NBAS: variants seen among roughly 807,000 people sequenced by gnomAD.
NBAS encodes NAG/BC035112 fusion.
A neutral mutation model predicts 302.5 loss-of-function variants in NBAS; 219 were observed. The observed-to-expected ratio is 0.72, with a 90% CI of 0.65 to 0.81. The LOEUF (loss-of-function observed/expected upper bound fraction) is 0.81, where lower values mean the gene tolerates loss of function less well. Among genes scored for constraint, NBAS ranks in the 30% least tolerant of loss-of-function variants. The pLI is 0.00. For synonymous variants in NBAS, 1,118 were observed against 1,021.6 expected (o/e 1.09, Z -1.80); for missense variants, 2,932 against 2,841.6 (o/e 1.03, Z -0.72).
chr2:15,353,764 C>G, intron 33 of NBAS, 54 bp from the exon 34 acceptor site: 1 of 1,611,130 alleles, frequency 6.2e-7, no homozygotes, highest in Non-Finnish European at 8.5e-7. Context: ...AATATTCAAT[C>G]TAAGATGACA....
the NBAS span, among the ~76,000 whole-genome samples, chr2:14,836,898 T>C: frequency 6.6e-6 from 1 of 151,868 alleles, no homozygotes; most frequent in Non-Finnish European, 1.5e-5. Flanking sequence ...CTTAGATTAA[T>C]TCCTAGAAAT....
the NBAS span, among the ~76,000 whole-genome samples, chr2:15,119,171 G>C: frequency 0.14 from 20,558 of 152,088 alleles, 2,645 homozygotes; most frequent in African/African-American, 0.32. Flanking sequence ...CACTGAGCAG[G>C]GAGAGAGGGA....
intron 21 of NBAS, among the ~76,000 whole-genome samples, chr2:15,434,047 A>G (rs1374301104): frequency 6.6e-6 from 1 of 152,106 alleles, no homozygotes; most frequent in Non-Finnish European, 1.5e-5. Flanking sequence ...GGGTCACTTG[A>G]GCCCAGGAGA....
chr2:15,239,232 T>C (rs1432780633), intron 44 of NBAS, among the ~76,000 whole-genome samples: 1 of 152,072 alleles, frequency 6.6e-6, no homozygotes, highest in East Asian at 1.9e-4. Flanking sequence ...TGTTAAAACT[T>C]AGAAATCAGA....
At chr2:15,452,326 T>C (rs546342350) in intron 21 of NBAS, among the ~76,000 whole-genome samples, 1 of 152,320 alleles carries the variant, frequency 6.6e-6, no homozygotes, top group South Asian at 2.1e-4. Context: ...ATGGGCACGG[T>C]GGCTCACGCC....
chr2:15,066,993 T>C, the NBAS span, among the ~76,000 whole-genome samples: 1 of 151,868 alleles, frequency 6.6e-6, no homozygotes. Flanking sequence ...GAAAATGTAA[T>C]AATGCATACA....
intron 25 of NBAS, among the ~76,000 whole-genome samples, chr2:15,406,925 C>T (rs1378752724): frequency 1.3e-5 from 2 of 152,128 alleles, no homozygotes; most frequent in African/African-American, 2.4e-5. Flanking sequence ...GGGCATACTC[C>T]TACTTGGCTG....
In NBAS at chr2:15,393,633, A is replaced by G. The variant is rs80138033; in HGVS notation, c.3257+594T>C. On this transcript the variant is annotated intron_variant, in intron 28 of 51. Transcript: ENST00000281513. ...GAGAAATGAAAGCGTATGTCTACAC[A>G]AACACTTGCATATGAAAAGTCGTAG... 2.4e-3 allele frequency: 1,135 copies of G among 470,046 alleles called. 12 individuals are homozygous for G. Among genetic ancestry groups the G allele is most frequent in the African/African-American group, 0.021 (1,039 of 50,160 alleles). The allele number at this position is 470,046 out of a possible 1,614,324, so 29.1% of individuals were successfully genotyped here.
the NBAS span, among the ~76,000 whole-genome samples, chr2:15,024,379 G>T: frequency 2.0e-5 from 3 of 151,946 alleles, no homozygotes; most frequent in Non-Finnish European, 4.4e-5. Context: ...GTCTTCTGTC[G>T]ATGGCCATTT....
At chr2:14,894,423 T>C in the NBAS span, among the ~76,000 whole-genome samples, 2,048 of 152,266 alleles carry the variant, frequency 0.013, 60 homozygotes, top group African/African-American at 0.047. Context: ...TATGTTTGAC[T>C]GCATTGACAG....
In NBAS at chr2:15,330,768, GT is replaced by G; in HGVS notation, c.4180-4del. 6.2e-7 allele frequency: 1 copy of G among 1,613,430 alleles called. No homozygotes were observed. Among genetic ancestry groups the G allele is most frequent in the Middle Eastern group, 1.7e-4 (1 of 6,006 alleles). ...CTACCTGGAACACCTACTTCATCCT[GT>G]ATTAAAGAAACAAAATAGCAAGGGC... On this transcript the variant is annotated splice_region_variant and splice_polypyrimidine_tract_variant and intron_variant, in intron 35 of 51. Coordinates refer to ENST00000281513, the MANE Select transcript of NBAS (RefSeq NM_015909.4).
chr2:15,219,028 G>A (rs1666794249), intron 47 of NBAS, 60 bp from the exon 48 acceptor site: 5 of 1,585,664 alleles, frequency 3.2e-6, no homozygotes, highest in South Asian at 2.3e-5. Flanking sequence ...TCCCCCTTCC[G>A]GTAATCAAAT....
chr2:15,088,061 C>T, the NBAS span, among the ~76,000 whole-genome samples: 2 of 152,168 alleles, frequency 1.3e-5, no homozygotes, highest in African/African-American at 4.8e-5. Context: ...GGGTGAGCTG[C>T]ACCACATAAA....
chr2:15,145,221 C>T, the NBAS span, among the ~76,000 whole-genome samples: 4 of 152,020 alleles, frequency 2.6e-5, no homozygotes, highest in African/African-American at 9.7e-5. Context: ...CTGGTGTTTT[C>T]ATTACTCATT....
At chr2:14,789,412 C>T in the NBAS span, among the ~76,000 whole-genome samples, 2 of 152,282 alleles carry the variant, frequency 1.3e-5, no homozygotes, top group African/African-American at 2.4e-5. Flanking sequence ...CAGAAATCAC[C>T]TGTCTTCTGC....
the NBAS span, among the ~76,000 whole-genome samples, chr2:15,141,036 C>A: frequency 6.6e-6 from 1 of 152,236 alleles, no homozygotes; most frequent in African/African-American, 2.4e-5. Flanking sequence ...CTTGTGTGAT[C>A]TGAAATGGTC....
the NBAS span, among the ~76,000 whole-genome samples, chr2:15,090,115 T>C: frequency 1.3e-5 from 2 of 152,198 alleles, no homozygotes; most frequent in Non-Finnish European, 2.9e-5. Flanking sequence ...TCCCAAAAGA[T>C]GTCAGCTCAG....
the NBAS span, among the ~76,000 whole-genome samples, chr2:15,077,776 A>G: frequency 6.6e-6 from 1 of 151,612 alleles, no homozygotes; most frequent in Non-Finnish European, 1.5e-5. Flanking sequence ...CTCCACCTCA[A>G]GGGTTCAAGT....
chr2:14,977,721 C>G, the NBAS span, among the ~76,000 whole-genome samples: 1 of 152,102 alleles, frequency 6.6e-6, no homozygotes, highest in African/African-American at 2.4e-5. Flanking sequence ...AGAGTCTTTC[C>G]CTCATCATTT....
Sources: gnomAD v4.1 joint callset for allele counts (sites outside exome capture counted in the v4.1 genomes callset) on GRCh38, gnomAD v4.1.1 for gene constraint, MANE v1.5 for transcripts, NCBI Gene and HGNC (gene_info 2026-07-23, HGNC 2026-07-21) for gene names.